Variants in KCNN1 observed in about 807,000 individuals in gnomAD.
KCNN1 encodes the protein small conductance calcium-activated potassium channel protein 1.
KCNN1 carries 20 observed loss-of-function variants against 44.7 expected under a neutral mutation model. The observed-to-expected ratio is 0.45, with a 90% CI of 0.32 to 0.65. The LOEUF (loss-of-function observed/expected upper bound fraction) is 0.65, where lower values mean the gene tolerates loss of function less well. Among genes scored for constraint, KCNN1 ranks in the 30% least tolerant of loss-of-function variants. The probability of loss-of-function intolerance (pLI) is 0.05; values close to 1 mark genes in which losing one functional copy is unlikely to be tolerated. For synonymous variants in KCNN1, 324 were observed against 341.7 expected, an observed-to-expected ratio of 0.95 and a Z score of 0.57; for missense variants, 632 against 785.3, an observed-to-expected ratio of 0.80 and a Z score of 2.33.
rs2032857478 is a variant in KCNN1, at chr19:17,993,179, A to C, written c.1307+117A>C. On this transcript the variant is annotated intron_variant, in intron 8 of 9. Transcript: ENST00000684775. The surrounding 1 kb of genome is among the most constrained non-coding windows in gnomAD (Gnocchi z 4.5). The stretch of plus-strand genomic sequence containing the variant: ...AGCCTCAGAGGCGGGCAGGGTTCAC[A>C]TCTGCCCCATGGATCCGTGCAGGCT... 1.6e-6 allele frequency: 2 copies of C among 1,213,224 alleles called. No homozygotes were observed. The highest frequency in any genetic ancestry group is 2.4e-6 in the Non-Finnish European group (2 of 834,064). 75.2% of individuals were successfully genotyped at this position (1,213,224 alleles called of 1,614,324 possible). A position where few individuals can be genotyped will look rare whatever the true frequency, so the allele number is the denominator to read the frequency against.
intron 7 of KCNN1, 102 bp from the exon 8 acceptor site, chr19:17,992,952 T>C: frequency 6.8e-7 from 1 of 1,469,944 alleles, no homozygotes; most frequent in African/African-American, 1.4e-5. Context: ...GGCCCTAGGG[T>C]GGCATCCCCG....
At position 17,989,655 on chromosome 19, in the gene KCNN1, T is replaced by C. The variant is rs2032719826; in HGVS notation, c.1171-61T>C. On this transcript the variant is annotated intron_variant, in intron 6 of 9. Transcript: ENST00000684775. ...AGAGGTTTCTGGAAGATTCTAGACATTTCTGGAGCCTTTTGGAATTTCGCG... is the reference window on the plus strand; with the variant it reads ...AGAGGTTTCTGGAAGATTCTAGACACTTCTGGAGCCTTTTGGAATTTCGCG... 3.7e-6 allele frequency: 6 copies of C among 1,610,610 alleles called. No individual in the cohort carries two copies. In the South Asian group the frequency reaches 4.4e-5, roughly 12 times the overall value.
intron 9 of KCNN1, among the ~76,000 whole-genome samples, chr19:17,994,853 C>T (rs2032930052): frequency 6.6e-6 from 1 of 152,136 alleles, no homozygotes; most frequent in Non-Finnish European, 1.5e-5. Flanking sequence ...CCATTTCCCA[C>T]TTTTTGAATT....
Position 17,983,760 on chromosome 19 carries a change from G to A in KCNN1, c.918-1552G>A, listed in dbSNP as rs934105069. Among the ~76,000 whole-genome samples the A allele has an allele frequency of 8.6e-5, 13 of 151,622 alleles. No individual in the cohort carries two copies. The highest frequency in any genetic ancestry group is 1.9e-4 in the East Asian group (1 of 5,140). On this transcript the variant is annotated intron_variant, in intron 4 of 9. Transcript: ENST00000684775. This position sits in a 1 kb window ranked among gnomAD's most constrained non-coding sequence, Gnocchi z 4.5. ...CCGCGGCACCCCCCACCATCGCTCC[G>A]TCTGGATCTGGGGCTCACCCACCCA... is the stretch of plus-strand genomic sequence containing the variant.
intron 1 of KCNN1, among the ~76,000 whole-genome samples, chr19:17,951,828 T>A (rs1196703078): frequency 1.3e-5 from 2 of 152,076 alleles, no homozygotes; most frequent in Non-Finnish European, 2.9e-5. Context: ...TCTCCCTGAC[T>A]CTCTTCTTTC....
chr19:17,977,869 A>G (rs892386653), intron 3 of KCNN1, among the ~76,000 whole-genome samples: 3 of 152,066 alleles, frequency 2.0e-5, no homozygotes, highest in Non-Finnish European at 4.4e-5. Flanking sequence ...TCAGCAGAAG[A>G]ACCCAGACAT....
Position 17,999,868 on chromosome 19 carries a change from G to T in KCNN1, c.*1462G>T. The T allele has an allele frequency of 4.8e-6, 2 of 420,736 alleles. No individual in the cohort carries two copies. The highest frequency in any genetic ancestry group is 9.6e-6 in the Non-Finnish European group (2 of 207,552). The allele number at this position is 420,736 out of a possible 1,614,324, so 26.1% of individuals were successfully genotyped here. A position where few individuals can be genotyped will look rare whatever the true frequency, so the allele number is the denominator to read the frequency against. ...GCATGAATGACCAGCTTGGGCCCAC[G>T]CACGAGAAGGGTATGAGGAGGTGCT... is the stretch of plus-strand genomic sequence containing the variant. On this transcript the variant is annotated 3_prime_UTR_variant, in exon 10 of 10. Coordinates refer to ENST00000684775, the MANE Select transcript of KCNN1 (RefSeq NM_001386974.1).
intron 9 of KCNN1, among the ~76,000 whole-genome samples, chr19:17,996,911 T>G (rs1255261020): frequency 6.6e-6 from 1 of 152,228 alleles, no homozygotes; most frequent in Non-Finnish European, 1.5e-5. Flanking sequence ...CGTCCTGTCC[T>G]GTCTTCCTTC....
intron 3 of KCNN1, among the ~76,000 whole-genome samples, chr19:17,979,060 C>T (rs2032304950): frequency 7.4e-6 from 1 of 134,320 alleles, no homozygotes; most frequent in South Asian, 2.5e-4. Context: ...GACTCCCTCT[C>T]AAAACAAAAA....
At chr19:17,978,459 G>A (rs1025151011) in intron 3 of KCNN1, among the ~76,000 whole-genome samples, 14 of 137,622 alleles carry the variant, frequency 1.0e-4, no homozygotes, top group African/African-American at 3.3e-4. Flanking sequence ...ACAGGATCTC[G>A]TTCTGTCGCC....
chr19:17,951,700 TC>T (rs1301300772), intron 1 of KCNN1, among the ~76,000 whole-genome samples: 4 of 152,020 alleles, frequency 2.6e-5, no homozygotes. Flanking sequence ...CCACCCAGGC[TC>T]CCCCTTCCTA....
rs924509577 is a variant in KCNN1 at position 17,998,488 on chromosome 19, T to C, written c.*82T>C. On this transcript the variant is annotated 3_prime_UTR_variant, in exon 10 of 10. Transcript: ENST00000684775. The surrounding 1 kb of genome is among the most constrained non-coding windows in gnomAD (Gnocchi z 5.4). ...GGGAAGCCTTGTACAGTGGCGCCTC[T>C]TGGAGTTCAAGAAGCCAACGCTGAG... 2.1e-5 allele frequency: 28 copies of C among 1,341,398 alleles called. No homozygotes were observed. The highest frequency in any genetic ancestry group is 2.5e-5 in the Non-Finnish European group (25 of 1,018,242). The allele number at this position is 1,341,398 out of a possible 1,614,324, so 83.1% of individuals were successfully genotyped here.
At chr19:17,978,146 A>AAAAAAT (rs2032269211) in intron 3 of KCNN1, among the ~76,000 whole-genome samples, 1 of 121,930 alleles carries the variant, frequency 8.2e-6, no homozygotes, top group African/African-American at 3.3e-5. Flanking sequence ...TTTTTTTTTG[A>AAAAAAT]GATGGCGTCT....
At position 17,993,578 on chromosome 19, in the gene KCNN1, G is replaced by T. The variant is rs754353710; in HGVS notation, c.1377+19G>T. ...AGCCAAGGTGAGTGGGTTGGGGCAG[G>T]GTGGGCCAGACAGGGCAGGTGGGGC... On this transcript the variant is annotated intron_variant, in intron 9 of 9. Coordinates refer to ENST00000684775, the MANE Select transcript of KCNN1 (RefSeq NM_001386974.1). The surrounding 1 kb of genome is among the most constrained non-coding windows in gnomAD (Gnocchi z 4.5). 1 of 1,612,186 alleles carries T rather than the reference G, an allele frequency of 6.2e-7. No individual in the cohort carries two copies. Among genetic ancestry groups the T allele is most frequent in the South Asian group, 1.1e-5 (1 of 90,986 alleles).
intron 4 of KCNN1, 28 bp from the exon 5 acceptor site, chr19:17,985,284 C>T (rs750685779): frequency 1.5e-5 from 23 of 1,565,208 alleles, no homozygotes; most frequent in Middle Eastern, 1.7e-4. Flanking sequence ...AGACTGAGCC[C>T]TCCCTCTTCC....
rs2033085138 is a variant in KCNN1 at position 17,998,574 on chromosome 19, AC to A, written c.*170del. 2.9e-6 allele frequency: 2 copies of A among 682,858 alleles called. No individual in the cohort carries two copies. The highest frequency in any genetic ancestry group is 4.5e-6 in the Non-Finnish European group (2 of 441,934). 42.3% of individuals were successfully genotyped at this position (682,858 alleles called of 1,614,324 possible). A position where few individuals can be genotyped will look rare whatever the true frequency, so the allele number is the denominator to read the frequency against. ...CTGCCCAGGCAGAGGGCAGGGCTGG[AC>A]CATGGGTGAGGGCAGGGGAGCCCGG... On this transcript the variant is annotated 3_prime_UTR_variant, in exon 10 of 10. Transcript: ENST00000684775. The surrounding 1 kb of genome is among the most constrained non-coding windows in gnomAD (Gnocchi z 5.4).
intron 3 of KCNN1, among the ~76,000 whole-genome samples, chr19:17,978,466 C>T (rs1328313813): frequency 2.1e-5 from 3 of 146,056 alleles, no homozygotes; most frequent in Non-Finnish European, 4.5e-5. Flanking sequence ...CTCGTTCTGT[C>T]GCCCAGGCTG....
chr19:17,958,599 C>T (rs1262863987), intron 2 of KCNN1, among the ~76,000 whole-genome samples: 1 of 151,330 alleles, frequency 6.6e-6, no homozygotes, highest in Non-Finnish European at 1.5e-5. Flanking sequence ...GATTCTCGTG[C>T]CTTAACCTCC....
At chr19:17,961,548 G>A (rs1054480428) in intron 2 of KCNN1, among the ~76,000 whole-genome samples, 1 of 151,116 alleles carries the variant, frequency 6.6e-6, no homozygotes, top group African/African-American at 2.4e-5. Context: ...AAAAACAAAA[G>A]AAACAAAACC....
Sources: gnomAD v4.1 joint callset for allele counts (sites outside exome capture counted in the v4.1 genomes callset) on GRCh38, gnomAD v4.1.1 for gene constraint, Gnocchi (gnomAD v3.1) non-coding constraint, MANE v1.5 for transcripts, NCBI Gene and HGNC (gene_info 2026-07-23, HGNC 2026-07-21) for gene names.